Variants in SHISA7 observed in about 807,000 individuals in gnomAD.
SHISA7 encodes shisa family member 7.
Under a neutral mutation model 23.9 loss-of-function variants are expected in SHISA7, and 6 were observed. The observed-to-expected ratio is 0.25, with a 90% confidence interval of 0.14 to 0.50. SHISA7 has a LOEUF of 0.50. Ranked by LOEUF, SHISA7 falls within the 20% of genes least tolerant of loss-of-function variation. The pLI, the probability that SHISA7 is intolerant of heterozygous loss-of-function variation, is 0.98. For missense variants in SHISA7, 671 were observed against 801.1 expected (o/e 0.84, Z 1.96); for synonymous variants, 386 against 398.3 (o/e 0.97, Z 0.37).
At chr19:55,437,860 GC>G in intron 2 of SHISA7, 106 bp from the exon 3 acceptor site, 2 of 1,346,696 alleles carry the variant, frequency 1.5e-6, no homozygotes, top group Non-Finnish European at 9.8e-7. Flanking sequence ...CAGAAACCCA[GC>G]CCCTCTTCCT....
intron 3 of SHISA7, among the ~76,000 whole-genome samples, chr19:55,436,136 A>T (rs987821113): frequency 2.6e-5 from 4 of 151,630 alleles, no homozygotes; most frequent in Non-Finnish European, 4.4e-5. Flanking sequence ...AAAATACAAA[A>T]ATTAGCCAGG....
Position 55,433,694 on chromosome 19 carries a change from C to T in SHISA7, c.1079G>A (p.Gly360Asp). 1 of 1,479,854 alleles carries T rather than the reference C, an allele frequency of 6.8e-7. No homozygotes were observed. Among genetic ancestry groups the T allele is most frequent in the Non-Finnish European group, 8.9e-7 (1 of 1,123,078 alleles). 91.7% of individuals were successfully genotyped at this position (1,479,854 alleles called of 1,614,324 possible). A position where few individuals can be genotyped will look rare whatever the true frequency, so the allele number is the denominator to read the frequency against. ...GCCGCCCCAGGCCTCCATGCGATAG[C>T]CGCCCCCCGTGCCCGGCCGCCGCAG... The part of the protein sequence containing the change: ...HALRRPGTGG[G>D]YRMEAWGGPE... Residue 360 changes from glycine to aspartate, a missense_variant, in exon 4 of 4, where the codon GGC becomes GAC. Gly to Asp is a moderately conservative substitution (Grantham distance 94, BLOSUM62 -1). This residue lies in a region of SHISA7 where 457 missense variants were observed against 488.3 expected (regional missense o/e 0.94). Coordinates refer to ENST00000376325, the MANE Select transcript of SHISA7 (RefSeq NM_001145176.2). This position sits in a 1 kb window ranked among gnomAD's most constrained non-coding sequence, Gnocchi z 8.4.
Position 55,433,101 on chromosome 19 carries a change from C to G in SHISA7, c.*55G>C. 1 of 1,478,898 alleles carries G rather than the reference C, an allele frequency of 6.8e-7. No individual in the cohort carries two copies. Among genetic ancestry groups the G allele is most frequent in the East Asian group, 2.8e-5 (1 of 35,390 alleles). 91.6% of individuals were successfully genotyped at this position (1,478,898 alleles called of 1,614,324 possible). On this transcript the variant is annotated 3_prime_UTR_variant, in exon 4 of 4. Transcript: ENST00000376325. The surrounding 1 kb of genome is among the most constrained non-coding windows in gnomAD (Gnocchi z 8.4). ...CATGTGTGCGCCTGTGTCGGGGGAT[C>G]CAGGCTGGGACGGGGGGCCCGGGAG...
intron 3 of SHISA7, among the ~76,000 whole-genome samples, chr19:55,435,311 GT>G: frequency 8.3e-6 from 1 of 120,182 alleles, no homozygotes; most frequent in East Asian, 2.6e-4. Flanking sequence ...TGTATATGTG[GT>G]GTGTGTGTGG....
intron 3 of SHISA7, among the ~76,000 whole-genome samples, chr19:55,435,953 C>CGTGT (rs1568451473): frequency 6.8e-6 from 1 of 147,972 alleles, no homozygotes; most frequent in Non-Finnish European, 1.5e-5. Context: ...AAAATATACA[C>CGTGT]ATGTGTGTGT....
chr19:55,442,201 G>C lies in SHISA7; in HGVS notation c.663C>G (p.Asn221Lys). Residue 221 changes from asparagine to lysine, a missense_variant, in exon 1 of 4, where the codon AAC becomes AAG. Asn to Lys is a moderately conservative substitution (Grantham distance 94). Coordinates refer to ENST00000376325, the MANE Select transcript of SHISA7 (RefSeq NM_001145176.2). ...CCCGAGAGCACACGCACCTGGGCACGTTGATATCCCGGTGCGCCCGGGGCG... is the reference window on the plus strand; with the variant it reads ...CCCGAGAGCACACGCACCTGGGCACCTTGATATCCCGGTGCGCCCGGGGCG... ...SRAPRAHRDI[N>K]VPRALVDILR... is the part of the protein sequence containing the mutation. The C allele has an allele frequency of 6.5e-7, 1 of 1,533,392 alleles. No individual in the cohort carries two copies. The allele number at this position is 1,533,392 out of a possible 1,614,324, so 95.0% of individuals were successfully genotyped here. A position where few individuals can be genotyped will look rare whatever the true frequency, so the allele number is the denominator to read the frequency against.
Position 55,433,631 on chromosome 19 carries a change from CG to C in SHISA7, c.1141del (p.Arg381GlyfsTer156), listed in dbSNP as rs1568449897. 6.7e-7 allele frequency: 1 copy of C among 1,490,646 alleles called. No homozygotes were observed. Among genetic ancestry groups the C allele is most frequent in the Non-Finnish European group, 8.9e-7 (1 of 1,127,394 alleles). 92.3% of individuals were successfully genotyped at this position (1,490,646 alleles called of 1,614,324 possible). A position where few individuals can be genotyped will look rare whatever the true frequency, so the allele number is the denominator to read the frequency against. On this transcript the variant is annotated frameshift_variant, in exon 4 of 4. Coordinates refer to ENST00000376325, the MANE Select transcript of SHISA7 (RefSeq NM_001145176.2). LOFTEE classifies it low-confidence loss of function (END_TRUNC). This position sits in a 1 kb window ranked among gnomAD's most constrained non-coding sequence, Gnocchi z 8.4. ...CAGGTGCTCCTGGGACATGACCCGC[CG>C]GGGGTTGGGCGCGGGCGCCAGGCCC... The part of the protein sequence containing the change: ...ELGLAPAPNP[R>X]RVMSQEHLLG...
Position 55,434,510 on chromosome 19 carries a change from GGT to G in SHISA7, c.977-716_977-715del, listed in dbSNP as rs569381729. ...TGTGGTGTATATGTGGTGTGTATGT[GGT>G]GTGTGTGTGGTTGTGTGGTGTGTGT... On this transcript the variant is annotated intron_variant, in intron 3 of 3. Transcript: ENST00000376325. Among the ~76,000 whole-genome samples the G allele has an allele frequency of 3.7e-3, 494 of 132,934 alleles. 5 individuals carry two copies. The highest frequency in any genetic ancestry group is 6.5e-3 in the African/African-American group (225 of 34,598). The allele number at this position is 132,934 out of a possible 152,430, so 87.2% of individuals were successfully genotyped here.
At position 55,430,352 on chromosome 19, in the gene SHISA7, A is replaced by G. The variant is rs182926664; in HGVS notation, c.*2804T>C. On this transcript the variant is annotated 3_prime_UTR_variant, in exon 4 of 4. Coordinates refer to ENST00000376325, the MANE Select transcript of SHISA7 (RefSeq NM_001145176.2). ...TGGCCTGTTGTGCTGGTTCCCCTTA[A>G]GTGAACAACTGTAAGTACCATGCGG... 1.0e-3 allele frequency: 154 copies of G among 152,386 alleles called. No individual in the cohort carries two copies. The highest frequency in any genetic ancestry group is 3.5e-3 in the African/African-American group (145 of 41,550). The allele number at this position is 152,386 out of a possible 1,614,324, so 9.4% of individuals were successfully genotyped here. A position where few individuals can be genotyped will look rare whatever the true frequency, so the allele number is the denominator to read the frequency against.
rs1292047291 is a variant in SHISA7, at chr19:55,432,304, C to T, written c.*852G>A. 1 of 152,742 alleles carries T rather than the reference C, an allele frequency of 6.5e-6. No individual in the cohort carries two copies. Among genetic ancestry groups the T allele is most frequent in the Non-Finnish European group, 1.5e-5 (1 of 68,120 alleles). 9.5% of individuals were successfully genotyped at this position (152,742 alleles called of 1,614,324 possible). On this transcript the variant is annotated 3_prime_UTR_variant, in exon 4 of 4. Coordinates refer to ENST00000376325, the MANE Select transcript of SHISA7 (RefSeq NM_001145176.2). This position sits in a 1 kb window ranked among gnomAD's most constrained non-coding sequence, Gnocchi z 4.6. ...GTGGAGGCATCTCTTTGTGCCATCTCAGAGCACATAGCATCTGGGCGACAT... is the reference window on the plus strand; with the variant it reads ...GTGGAGGCATCTCTTTGTGCCATCTTAGAGCACATAGCATCTGGGCGACAT...
chr19:55,439,362 C>A (rs1199947003), intron 2 of SHISA7, among the ~76,000 whole-genome samples: 1 of 152,216 alleles, frequency 6.6e-6, no homozygotes, highest in Non-Finnish European at 1.5e-5. Flanking sequence ...CCAGCTCCGT[C>A]CTTGTCCTCT....
In SHISA7 at chr19:55,435,954, A is replaced by ATG. The variant is rs113452084; in HGVS notation, c.976+1649_976+1650dup. Reference sequence around the variant, plus strand: ...ATTTCCTGTAATTAAAAATATACACATGTGTGTGTGTGTGTGTGTCTCACG... The same window carrying ATG: ...ATTTCCTGTAATTAAAAATATACACATGTGTGTGTGTGTGTGTGTGTCTCACG... On this transcript the variant is annotated intron_variant, in intron 3 of 3. Coordinates refer to ENST00000376325, the MANE Select transcript of SHISA7 (RefSeq NM_001145176.2). Among the ~76,000 whole-genome samples the ATG allele has an allele frequency of 0.018, 1,281 of 70,502 alleles. 33 individuals are homozygous for ATG. The East Asian group carries it at 0.28, about 16-fold the overall frequency. 46.3% of individuals were successfully genotyped at this position (70,502 alleles called of 152,430 possible).
Position 55,430,912 on chromosome 19 carries a change from TC to T in SHISA7, c.*2243del. On this transcript the variant is annotated 3_prime_UTR_variant, in exon 4 of 4. Transcript: ENST00000376325. ...ATGATGACACCAGGGTTATGGTGGA[TC>T]CTAGTGGATGGTGACAGCACTGGAC... 6.7e-6 allele frequency: 1 copy of T among 149,016 alleles called. No homozygotes were observed. Among genetic ancestry groups the T allele is most frequent in the African/African-American group, 2.5e-5 (1 of 39,906 alleles). 9.2% of individuals were successfully genotyped at this position (149,016 alleles called of 1,614,324 possible).
At position 55,440,608 on chromosome 19, in the gene SHISA7, C is replaced by T. The variant is rs978330869; in HGVS notation, c.826+3G>A. On this transcript the variant is annotated splice_donor_region_variant and intron_variant, in intron 2 of 3. Coordinates refer to ENST00000376325, the MANE Select transcript of SHISA7 (RefSeq NM_001145176.2). ...GCTGCGCCGGATCCCACGTTCCACTCACCGAGGTTGGGGGTCTTCACGGTG... is the reference window on the plus strand; with the variant it reads ...GCTGCGCCGGATCCCACGTTCCACTTACCGAGGTTGGGGGTCTTCACGGTG... 6 of 1,249,716 alleles carry T rather than the reference C, an allele frequency of 4.8e-6. No homozygotes were observed. The highest frequency in any genetic ancestry group is 6.1e-6 in the Non-Finnish European group (6 of 988,172). The allele number at this position is 1,249,716 out of a possible 1,614,324, so 77.4% of individuals were successfully genotyped here.
chr19:55,433,522 C>G lies in SHISA7; in HGVS notation c.1251G>C (p.Ser417=). The G allele has an allele frequency of 6.7e-7, 1 of 1,481,920 alleles. No individual in the cohort carries two copies. Among genetic ancestry groups the G allele is most frequent in the Non-Finnish European group, 8.9e-7 (1 of 1,123,184 alleles). 91.8% of individuals were successfully genotyped at this position (1,481,920 alleles called of 1,614,324 possible). A position where few individuals can be genotyped will look rare whatever the true frequency, so the allele number is the denominator to read the frequency against. ...CGCGACTCTGGCGCAGGGCCTCGGG[C>G]GAGGACAGCAGCAGGTGCTCCTGCG... ...LVSQEHLLLS[S]PEALRQSREH... The change falls in exon 4 of 4, where the codon TCG becomes TCC. Residue 417 remains serine (S), a synonymous_variant. Transcript: ENST00000376325. This position sits in a 1 kb window ranked among gnomAD's most constrained non-coding sequence, Gnocchi z 8.4.
In SHISA7 at chr19:55,442,703, G is replaced by A. The variant is rs1164271403; in HGVS notation, c.161C>T (p.Ala54Val). ...TGALTGGGGA[A>V]SPGANGTRTG... ...CCTGGTGCCGTTGGCGCCTGGGCTC[G>A]CCGCGCCCCCGCCGCCCGTCAGCGC... The change falls in exon 1 of 4, where the codon GCG becomes GTG. Residue 54 changes from alanine to valine, a missense_variant. This residue lies in a region of SHISA7 where 96 missense variants were observed against 113.1 expected (regional missense o/e 0.85). Transcript: ENST00000376325. 1 of 1,021,924 alleles carries A rather than the reference G, an allele frequency of 9.8e-7. No individual in the cohort carries two copies. Among genetic ancestry groups the A allele is most frequent in the Non-Finnish European group, 1.2e-6 (1 of 856,272 alleles). The allele number at this position is 1,021,924 out of a possible 1,614,324, so 63.3% of individuals were successfully genotyped here.
Position 55,442,348 on chromosome 19 carries a change from A to T in SHISA7, c.516T>A (p.Gly172=). The T allele has an allele frequency of 6.9e-7, 1 of 1,450,310 alleles. No individual in the cohort carries two copies. Among genetic ancestry groups the T allele is most frequent in the African/African-American group, 1.5e-5 (1 of 65,706 alleles). The allele number at this position is 1,450,310 out of a possible 1,614,324, so 89.8% of individuals were successfully genotyped here. A position where few individuals can be genotyped will look rare whatever the true frequency, so the allele number is the denominator to read the frequency against. Residue 172 remains glycine, a synonymous_variant, in exon 1 of 4, where the codon GGT becomes GGA. Transcript: ENST00000376325. ...GGCCCTCGCCCCCGCGGCCCCCGGC[A>T]CCCCCAGTCCGGCCCCCTTCCAACC... ...AGWLEGGRTG[G]AGGRGGEGPG...
At chr19:55,440,426 G>GAA (rs1985568483) in intron 2 of SHISA7, among the ~76,000 whole-genome samples, 185 bp downstream of exon 2, 2 of 152,248 alleles carry the variant, frequency 1.3e-5, no homozygotes, top group Non-Finnish European at 2.9e-5. Context: ...AGAGGGTCTG[G>GAA]CTCTCTACGG....
chr19:55,433,752 C>G lies in SHISA7; in HGVS notation c.1021G>C (p.Glu341Gln), dbSNP rs957865581. 2.9e-5 allele frequency: 42 copies of G among 1,454,384 alleles called. No homozygotes were observed. Among genetic ancestry groups the G allele is most frequent in the Non-Finnish European group, 3.6e-5 (40 of 1,113,698 alleles). 90.1% of individuals were successfully genotyped at this position (1,454,384 alleles called of 1,614,324 possible). ...DEAYLKRRPL[E>Q]LPRGTLPLHA... ...AGGGGCAGCGTGCCGCGGGGCAATTCCAGGGGCCGGCGCTTCAGGTAGGCC... is the reference window on the plus strand; with the variant it reads ...AGGGGCAGCGTGCCGCGGGGCAATTGCAGGGGCCGGCGCTTCAGGTAGGCC... The change falls in exon 4 of 4, where the codon GAA (glutamate) becomes CAA (glutamine). Residue 341 changes from glutamate to glutamine, a missense_variant. Glu to Gln is a conservative substitution (Grantham distance 29, BLOSUM62 2). Transcript: ENST00000376325. The surrounding 1 kb of genome is among the most constrained non-coding windows in gnomAD (Gnocchi z 8.4).
Sources: allele counts gnomAD v4.1 joint callset (sites outside exome capture counted in the v4.1 genomes callset), GRCh38; gene constraint gnomAD v4.1.1; regional missense constraint gnomAD v4.1.1; non-coding constraint Gnocchi (gnomAD v3.1); transcripts MANE v1.5; gene names NCBI Gene and HGNC (gene_info 2026-07-23, HGNC 2026-07-21).